The following ZNF804B variants were observed in gnomAD, a reference collection of about 807,000 sequenced individuals.
ZNF804B encodes zinc finger 804B.
In ZNF804B, 80 loss-of-function variants were observed where a neutral mutation model predicts 101.4. The ratio of observed to expected loss-of-function variants is 0.79; its 90% CI spans 0.66 to 0.95. The LOEUF (loss-of-function observed/expected upper bound fraction) is 0.95, where lower values mean the gene tolerates loss of function less well. ZNF804B is among the 40% of genes least tolerant of loss of function. The pLI is 0.00. For synonymous variants in ZNF804B, 622 were observed against 558.8 expected (o/e 1.11, Z -1.59); for missense variants, 1,673 against 1,561.9 (o/e 1.07, Z -1.20).
chr7:89,287,088 T>C (rs1013029165), intron 2 of ZNF804B, among the ~76,000 whole-genome samples: 3 of 152,200 alleles, frequency 2.0e-5, no homozygotes, highest in Admixed American at 6.5e-5. Flanking sequence ...ATTTTTCTTA[T>C]AATTTTCTTG....
intron 1 of ZNF804B, among the ~76,000 whole-genome samples, chr7:88,894,275 G>C (rs560323421): frequency 6.6e-6 from 1 of 151,026 alleles, no homozygotes; most frequent in African/African-American, 2.4e-5. Context: ...GTGCAATGGC[G>C]CAATCTCAGC....
intron 1 of ZNF804B, among the ~76,000 whole-genome samples, chr7:88,786,084 G>T (rs1336377115): frequency 1.3e-5 from 2 of 152,128 alleles, no homozygotes; most frequent in African/African-American, 4.8e-5. Context: ...GCTTGGCAAA[G>T]TGCCTGACAC....
intron 1 of ZNF804B, among the ~76,000 whole-genome samples, chr7:89,131,583 A>T (rs1313723484): frequency 6.6e-6 from 1 of 151,920 alleles, no homozygotes; most frequent in Non-Finnish European, 1.5e-5. Context: ...TGCAACATAG[A>T]CTCATTTGAC....
chr7:89,115,208 G>C (rs889017886), intron 1 of ZNF804B, among the ~76,000 whole-genome samples: 1 of 151,966 alleles, frequency 6.6e-6, no homozygotes, highest in African/African-American at 2.4e-5. Context: ...ATGAAAGAGG[G>C]TTTTAAATGA....
intron 1 of ZNF804B, among the ~76,000 whole-genome samples, chr7:88,976,921 C>T (rs963689692): frequency 6.6e-6 from 1 of 151,240 alleles, no homozygotes; most frequent in South Asian, 2.1e-4. Context: ...TATATGCAGG[C>T]TTTGATGGTT....
intron 1 of ZNF804B, among the ~76,000 whole-genome samples, chr7:88,849,339 A>C (rs1791417958): frequency 6.6e-6 from 1 of 152,010 alleles, no homozygotes; most frequent in Admixed American, 6.6e-5. Context: ...TATCTATTTA[A>C]AATAAAATAT....
At chr7:89,045,311 T>G (rs2116255419) in intron 1 of ZNF804B, among the ~76,000 whole-genome samples, 1 of 152,302 alleles carries the variant, frequency 6.6e-6, no homozygotes, top group African/African-American at 2.4e-5. Flanking sequence ...ATAGAAAACC[T>G]TTACTAGGGC....
intron 1 of ZNF804B, among the ~76,000 whole-genome samples, chr7:88,807,942 C>G (rs950391992): frequency 1.1e-4 from 16 of 152,074 alleles, no homozygotes; most frequent in Admixed American, 4.6e-4. Flanking sequence ...AGTGGAAAAG[C>G]CTTCACTAAA....
At chr7:88,803,643 A>T (rs1790641829) in intron 1 of ZNF804B, among the ~76,000 whole-genome samples, 1 of 152,134 alleles carries the variant, frequency 6.6e-6, no homozygotes, top group South Asian at 2.1e-4. Flanking sequence ...TTTTTCTTTA[A>T]ATAAAGATGG....
chr7:89,203,405 A>T (rs1289923012), intron 1 of ZNF804B, among the ~76,000 whole-genome samples: 1 of 152,170 alleles, frequency 6.6e-6, no homozygotes, highest in Non-Finnish European at 1.5e-5. Context: ...TATTTAATAG[A>T]CAAGCATAAG....
chr7:89,209,543 A>G (rs1481037506), intron 1 of ZNF804B, among the ~76,000 whole-genome samples: 9 of 152,238 alleles, frequency 5.9e-5, no homozygotes, highest in Admixed American at 5.9e-4. Context: ...CCATTACTTT[A>G]GGAAAACTCT....
At chr7:88,978,254 A>G (rs1013610441) in intron 1 of ZNF804B, among the ~76,000 whole-genome samples, 1 of 151,758 alleles carries the variant, frequency 6.6e-6, no homozygotes, top group African/African-American at 2.4e-5. Context: ...TATATAGTGA[A>G]CATTCAGTCT....
chr7:88,980,271 G>T (rs1445653851), intron 1 of ZNF804B, among the ~76,000 whole-genome samples: 1 of 151,896 alleles, frequency 6.6e-6, no homozygotes, highest in African/African-American at 2.4e-5. Context: ...TGTCTGAAAG[G>T]TCACATATCT....
chr7:89,300,361 C>CT (rs903017550), intron 2 of ZNF804B, among the ~76,000 whole-genome samples: 173 of 147,778 alleles, frequency 1.2e-3, no homozygotes, highest in African/African-American at 2.9e-3. Context: ...TGTATGCCCT[C>CT]TTTTTTTTTT....
intron 1 of ZNF804B, among the ~76,000 whole-genome samples, chr7:89,171,718 A>T (rs991573439): frequency 2.0e-5 from 3 of 152,122 alleles, no homozygotes; most frequent in African/African-American, 7.2e-5. Context: ...TACAGGTGTG[A>T]TCCCCATGTG....
chr7:89,172,431 T>C (rs1219121083), intron 1 of ZNF804B, among the ~76,000 whole-genome samples: 2 of 152,320 alleles, frequency 1.3e-5, no homozygotes, highest in East Asian at 3.9e-4. Flanking sequence ...ATTGTGGCTA[T>C]GTCGGTCAAG....
chr7:89,294,635 C>T (rs1790350434), intron 2 of ZNF804B, among the ~76,000 whole-genome samples: 1 of 151,954 alleles, frequency 6.6e-6, no homozygotes, highest in South Asian at 2.1e-4. Flanking sequence ...CAATTTTCTC[C>T]TGTTAATTCT....
intron 1 of ZNF804B, among the ~76,000 whole-genome samples, chr7:89,010,321 C>T (rs1404708831): frequency 1.3e-5 from 2 of 152,112 alleles, no homozygotes; most frequent in African/African-American, 2.4e-5. Context: ...TTCTAGGATA[C>T]TTCTTCATTA....
intron 1 of ZNF804B, among the ~76,000 whole-genome samples, chr7:88,867,090 G>T (rs1408940470): frequency 3.3e-5 from 5 of 152,212 alleles, no homozygotes; most frequent in African/African-American, 1.2e-4. Context: ...AATAATAGCT[G>T]GTGGGGAAGA....
Sources: gnomAD v4.1 joint callset for allele counts (sites outside exome capture counted in the v4.1 genomes callset) on GRCh38, gnomAD v4.1.1 for gene constraint, MANE v1.5 for transcripts, NCBI Gene and HGNC (gene_info 2026-07-23, HGNC 2026-07-21) for gene names.